The following CENPP variants were observed in gnomAD, a reference collection of about 807,000 sequenced individuals.
CENPP encodes centromere protein P.
Under a neutral mutation model 35.6 loss-of-function variants are expected in CENPP, and 24 were observed. The ratio of observed to expected loss-of-function variants is 0.67; its 90% CI spans 0.49 to 0.95. The LOEUF (loss-of-function observed/expected upper bound fraction) is 0.95, where lower values mean the gene tolerates loss of function less well. Ranked by LOEUF, CENPP falls within the 40% of genes least tolerant of loss-of-function variation. CENPP has a pLI of 0.00. For missense variants in CENPP, 332 were observed against 345.3 expected, an observed-to-expected ratio of 0.96 and a Z score of 0.31; for synonymous variants, 120 against 125.5, an observed-to-expected ratio of 0.96 and a Z score of 0.29.
At chr9:92,547,270 A>G (rs767197130) in intron 5 of CENPP, among the ~76,000 whole-genome samples, 3 of 152,240 alleles carry the variant, frequency 2.0e-5, no homozygotes, top group African/African-American at 7.2e-5. Context: ...CAGATTATCT[A>G]CAAGAAAACA....
chr9:92,540,275 A>G (rs1849286037), intron 5 of CENPP, among the ~76,000 whole-genome samples: 1 of 152,060 alleles, frequency 6.6e-6, no homozygotes, highest in South Asian at 2.1e-4. Flanking sequence ...TGTCTCTACT[A>G]AAAATACAAA....
intron 6 of CENPP, among the ~76,000 whole-genome samples, chr9:92,611,665 T>C (rs1474716356): frequency 6.6e-6 from 1 of 151,748 alleles, no homozygotes; most frequent in Non-Finnish European, 1.5e-5. Flanking sequence ...TGGGAGAAAG[T>C]GGAGATGCTT....
chr9:92,385,686 G>A, intron 5 of CENPP: 5 of 1,614,102 alleles, frequency 3.1e-6, no homozygotes, highest in South Asian at 1.1e-5. Context: ...TTCCCAGGAC[G>A]ATTGGATTGC....
At chr9:92,557,923 G>A (rs895762610) in intron 5 of CENPP, among the ~76,000 whole-genome samples, 6 of 152,234 alleles carry the variant, frequency 3.9e-5, no homozygotes, top group South Asian at 4.1e-4. Context: ...GATTACAGGC[G>A]TGAGCCACCG....
rs144269336 is a variant in CENPP at position 92,513,552 on chromosome 9, C to T, written c.565-97762C>T. Among the ~76,000 whole-genome samples the T allele has an allele frequency of 3.2e-3, 485 of 152,288 alleles. 3 individuals carry two copies. The highest frequency in any genetic ancestry group is 5.8e-3 in the Non-Finnish European group (392 of 68,028). On this transcript the variant is annotated intron_variant, in intron 5 of 7. Coordinates refer to ENST00000375587, the MANE Select transcript of CENPP (RefSeq NM_001012267.3). Reference sequence around the variant, plus strand: ...CCCAAACTGGAAACAACTCAGATGACGTTTAACTGATAGGAAACCCTGCCC... The same window carrying T: ...CCCAAACTGGAAACAACTCAGATGATGTTTAACTGATAGGAAACCCTGCCC...
chr9:92,334,908 C>T (rs1341862780), intron 2 of CENPP, among the ~76,000 whole-genome samples: 3 of 151,572 alleles, frequency 2.0e-5, no homozygotes, highest in African/African-American at 4.8e-5. Flanking sequence ...AAAAAAAGGC[C>T]GGTTGTGGTG....
intron 5 of CENPP, among the ~76,000 whole-genome samples, chr9:92,551,925 G>GTGTATATATA (rs1176239722): frequency 3.5e-5 from 3 of 84,568 alleles, no homozygotes; most frequent in African/African-American, 1.6e-4. Context: ...TGGTGTGTGT[G>GTGTATATATA]TATATATATA....
At chr9:92,332,135 A>G (rs1007073702) in intron 1 of CENPP, 35 bp from the exon 2 acceptor site, 3 of 1,442,526 alleles carry the variant, frequency 2.1e-6, no homozygotes, top group Admixed American at 2.0e-5. Context: ...ACGTGTTAGT[A>G]ATTGGAGTGA....
intron 4 of CENPP, among the ~76,000 whole-genome samples, chr9:92,371,674 TCTGTCTAATG>T (rs1842007054): frequency 1.3e-5 from 2 of 152,274 alleles, no homozygotes; most frequent in South Asian, 4.1e-4. Context: ...TTGTTTATTA[TCTGTCTAATG>T]CTGTGAACGG....
Position 92,604,849 on chromosome 9 carries a change from C to T in CENPP, c.565-6465C>T, listed in dbSNP as rs79356350. On this transcript the variant is annotated intron_variant, in intron 5 of 7. Transcript: ENST00000375587. ...CCTCAGGTGATCCACCCACCTCAGC[C>T]TACCAAGGTGCTGGGATTACAAGCA... 7.4e-3 allele frequency among the ~76,000 whole-genome samples: 1,124 copies of T among 152,256 alleles called. 11 individuals are homozygous for T. The highest frequency in any genetic ancestry group is 0.025 in the African/African-American group (1,018 of 41,544).
chr9:92,350,920 A>G (rs1841424123), intron 4 of CENPP, among the ~76,000 whole-genome samples: 1 of 152,210 alleles, frequency 6.6e-6, no homozygotes, highest in Admixed American at 6.5e-5. Context: ...CAAAGTGTTT[A>G]TCAGGAATTA....
intron 5 of CENPP, among the ~76,000 whole-genome samples, chr9:92,564,960 T>A (rs1849930018): frequency 6.6e-6 from 1 of 152,162 alleles, no homozygotes; most frequent in East Asian, 1.9e-4. Flanking sequence ...AAAAATCTCT[T>A]ACATGGGTAT....
At chr9:92,465,587 A>G (rs1845274248) in intron 5 of CENPP, among the ~76,000 whole-genome samples, 1 of 152,184 alleles carries the variant, frequency 6.6e-6, no homozygotes, top group Non-Finnish European at 1.5e-5. Context: ...TGGTTATATG[A>G]TAGGTGTCAG....
chr9:92,417,859 T>A (rs1239887104), intron 5 of CENPP, among the ~76,000 whole-genome samples: 1 of 152,040 alleles, frequency 6.6e-6, no homozygotes, highest in African/African-American at 2.4e-5. Context: ...CCCAAGTAGC[T>A]GGGACTACAG....
chr9:92,422,669 G>T (rs114419485), intron 5 of CENPP, among the ~76,000 whole-genome samples: 1 of 152,004 alleles, frequency 6.6e-6, no homozygotes, highest in African/African-American at 2.4e-5. Flanking sequence ...GTACAATCTT[G>T]TCCCACTCCC....
intron 5 of CENPP, among the ~76,000 whole-genome samples, chr9:92,394,770 A>C (rs1303554073): frequency 6.9e-6 from 1 of 145,930 alleles, no homozygotes; most frequent in Non-Finnish European, 1.5e-5. Context: ...ATGTCCGGCT[A>C]ATTTTTTTGT....
intron 5 of CENPP, among the ~76,000 whole-genome samples, chr9:92,435,955 T>G (rs547392772): frequency 1.3e-5 from 2 of 152,354 alleles, no homozygotes; most frequent in East Asian, 3.9e-4. Context: ...GTATGGTAAG[T>G]GCATGTTTAG....
At chr9:92,354,658 C>T (rs1002588196) in intron 4 of CENPP, among the ~76,000 whole-genome samples, 34 of 152,296 alleles carry the variant, frequency 2.2e-4, no homozygotes, top group African/African-American at 8.2e-4. Flanking sequence ...CCACACATGT[C>T]CTTGCAATTT....
intron 5 of CENPP, among the ~76,000 whole-genome samples, chr9:92,497,158 T>C (rs190652485): frequency 2.0e-5 from 3 of 152,298 alleles, no homozygotes; most frequent in Admixed American, 2.0e-4. Flanking sequence ...AAATGACATT[T>C]ATACAAACTT....
Sources: gnomAD v4.1 joint callset for allele counts (sites outside exome capture counted in the v4.1 genomes callset) on GRCh38, gnomAD v4.1.1 for gene constraint, MANE v1.5 for transcripts, NCBI Gene and HGNC (gene_info 2026-07-23, HGNC 2026-07-21) for gene names.